Variants in MGMT observed in about 807,000 individuals in gnomAD.
MGMT encodes methylated-DNA--protein-cysteine methyltransferase.
Under a neutral mutation model 15.9 loss-of-function variants are expected in MGMT, and 14 were observed. That is an observed-to-expected ratio of 0.88 (90% CI 0.58 to 1.37). The LOEUF (loss-of-function observed/expected upper bound fraction) is 1.37. Among genes scored for constraint, MGMT ranks in the 40% most tolerant of loss-of-function variants. The probability of loss-of-function intolerance (pLI) is 0.00; values close to 1 mark genes in which losing one functional copy is unlikely to be tolerated. For synonymous variants in MGMT, 130 were observed against 118.2 expected, an observed-to-expected ratio of 1.10 and a Z score of -0.65; for missense variants, 282 against 268.1, an observed-to-expected ratio of 1.05 and a Z score of -0.36.
intron 3 of MGMT, chr10:129,717,558 T>A (rs1848313982): frequency 6.6e-6 from 1 of 152,270 alleles, no homozygotes; most frequent in South Asian, 2.1e-4. Context: ...GCTTTTCATT[T>A]TAATGGCAAA....
In MGMT at chr10:129,467,245, C is replaced by A. The variant is rs1318669335; in HGVS notation, c.-64C>A. 6.5e-7 allele frequency: 1 copy of A among 1,544,180 alleles called. No individual in the cohort carries two copies. Among genetic ancestry groups the A allele is most frequent in the Non-Finnish European group, 8.7e-7 (1 of 1,145,688 alleles). On this transcript the variant is annotated 5_prime_UTR_variant, in exon 1 of 5. Transcript: ENST00000651593. ...TGGGACAGCCCGCGCCCCTAGAACG[C>A]TTTGCGTCCCGACGCCCGCAGGTCC...
At position 129,770,548 on chromosome 10, in the gene MGMT, G is replaced by A. The variant is rs771752463; in HGVS notation, c.*3551G>A. 1.3e-4 allele frequency among the ~76,000 whole-genome samples: 20 copies of A among 152,202 alleles called. No individual in the cohort carries two copies. Among genetic ancestry groups the A allele is most frequent in the Non-Finnish European group, 2.1e-4 (14 of 68,044 alleles). ...CGTAGCTGTGACCATGGGCGGTGGC[G>A]CCAGCTCGGACTTCACCCCGTTGGA... is the stretch of plus-strand genomic sequence containing the variant. On this transcript the variant is annotated 3_prime_UTR_variant, in exon 5 of 5. Coordinates refer to ENST00000651593, the MANE Select transcript of MGMT (RefSeq NM_002412.5).
intron 3 of MGMT, among the ~76,000 whole-genome samples, chr10:129,722,758 C>T (rs999884920): frequency 2.6e-5 from 4 of 152,132 alleles, no homozygotes; most frequent in African/African-American, 9.7e-5. Context: ...GTAACCCCAG[C>T]ACTTTGTGAG....
chr10:129,737,529 C>T (rs1212637148), intron 3 of MGMT, among the ~76,000 whole-genome samples: 3 of 152,256 alleles, frequency 2.0e-5, no homozygotes, highest in Non-Finnish European at 4.4e-5. Context: ...GTAATTTGAT[C>T]GTCTGAAGCC....
chr10:129,558,259 G>A (rs1321380052), intron 2 of MGMT, among the ~76,000 whole-genome samples: 1 of 152,062 alleles, frequency 6.6e-6, no homozygotes, highest in African/African-American at 2.4e-5. Context: ...AATTGAAGGT[G>A]GTCTTTTCTA....
intron 2 of MGMT, among the ~76,000 whole-genome samples, chr10:129,670,167 G>C (rs780021982): frequency 1.3e-4 from 20 of 149,126 alleles, no homozygotes; most frequent in Non-Finnish European, 2.1e-4. Flanking sequence ...ATGTGCAATA[G>C]ATTCAGATTC....
chr10:129,555,084 G>C (rs771893233), intron 2 of MGMT, among the ~76,000 whole-genome samples: 1 of 152,214 alleles, frequency 6.6e-6, no homozygotes, highest in African/African-American at 2.4e-5. Context: ...AACTGCTGCC[G>C]TTGATGAGGA....
At chr10:129,714,491 T>C (rs1848270685) in intron 3 of MGMT, among the ~76,000 whole-genome samples, 1 of 152,168 alleles carries the variant, frequency 6.6e-6, no homozygotes, top group South Asian at 2.1e-4. Flanking sequence ...TTCAATGGGG[T>C]TGGGGGATTT....
chr10:129,511,096 C>T (rs764951073), intron 1 of MGMT, among the ~76,000 whole-genome samples: 2 of 143,168 alleles, frequency 1.4e-5, no homozygotes, highest in East Asian at 2.1e-4. Context: ...GACTCAGCCA[C>T]GTGCTTCATG....
intron 2 of MGMT, among the ~76,000 whole-genome samples, chr10:129,559,138 T>A (rs952611890): frequency 1.3e-5 from 2 of 152,200 alleles, no homozygotes; most frequent in African/African-American, 2.4e-5. Context: ...CTTGTTTACC[T>A]AAATCTTTAA....
chr10:129,484,255 A>G (rs1191396435), intron 1 of MGMT, among the ~76,000 whole-genome samples: 1 of 152,166 alleles, frequency 6.6e-6, no homozygotes, highest in Non-Finnish European at 1.5e-5. Flanking sequence ...CCAATTGCGC[A>G]TGTGCTGCTT....
chr10:129,583,829 A>G (rs1304909294), intron 2 of MGMT, among the ~76,000 whole-genome samples: 1 of 152,228 alleles, frequency 6.6e-6, no homozygotes. Flanking sequence ...GAAACCTGCC[A>G]GACCAAGTCT....
intron 3 of MGMT, among the ~76,000 whole-genome samples, chr10:129,728,245 G>T (rs1848455665): frequency 6.6e-6 from 1 of 152,208 alleles, no homozygotes; most frequent in Non-Finnish European, 1.5e-5. Flanking sequence ...GGGAATTGCA[G>T]CAGTCACTTG....
chr10:129,755,356 G>A (rs1276903112), intron 3 of MGMT, among the ~76,000 whole-genome samples: 6 of 152,224 alleles, frequency 3.9e-5, no homozygotes, highest in Non-Finnish European at 5.9e-5. Flanking sequence ...GCACAGGGAT[G>A]TCCTGCAGGA....
chr10:129,685,479 C>A (rs955956396), intron 2 of MGMT, among the ~76,000 whole-genome samples: 1 of 152,172 alleles, frequency 6.6e-6, no homozygotes, highest in East Asian at 1.9e-4. Context: ...CTCCTCGACC[C>A]TCCACCTCCC....
At chr10:129,551,481 C>T (rs2119789403) in intron 2 of MGMT, among the ~76,000 whole-genome samples, 1 of 152,210 alleles carries the variant, frequency 6.6e-6, no homozygotes, top group South Asian at 2.1e-4. Flanking sequence ...CAGGCCAGGG[C>T]ACCCTCAGGA....
chr10:129,573,111 A>G (rs1846438766), intron 2 of MGMT, among the ~76,000 whole-genome samples: 1 of 152,054 alleles, frequency 6.6e-6, no homozygotes. Flanking sequence ...CCTTATTTTC[A>G]TTGATTGTTT....
intron 3 of MGMT, among the ~76,000 whole-genome samples, chr10:129,732,312 A>ACCCCCCCC (rs1848508447): frequency 2.8e-5 from 1 of 36,154 alleles, no homozygotes; most frequent in African/African-American, 1.1e-4. Flanking sequence ...CCAACCCCCC[A>ACCCCCCCC]CCCCCCGACA....
intron 1 of MGMT, among the ~76,000 whole-genome samples, chr10:129,471,298 G>T (rs937554237): frequency 6.6e-6 from 1 of 152,246 alleles, no homozygotes; most frequent in African/African-American, 2.4e-5. Context: ...TCTGGCACGG[G>T]ATGTTCAGAG....
Sources: allele counts gnomAD v4.1 joint callset (sites outside exome capture counted in the v4.1 genomes callset), GRCh38; gene constraint gnomAD v4.1.1; transcripts MANE v1.5; gene names NCBI Gene and HGNC (gene_info 2026-07-23, HGNC 2026-07-21).